FTCDNL1: variants seen among roughly 807,000 people sequenced by gnomAD.
The protein encoded by FTCDNL1 is formiminotransferase N-terminal subdomain-containing protein.
A neutral mutation model predicts 5.9 loss-of-function variants in FTCDNL1; 11 were observed. The ratio of observed to expected loss-of-function variants is 1.87; its 90% CI spans 1.18 to 3.10. FTCDNL1 has a LOEUF of 3.10. Among genes scored for constraint, FTCDNL1 ranks in the 30% most tolerant of loss-of-function variants. FTCDNL1 has a pLI of 0.00. For missense variants in FTCDNL1, 115 were observed against 65.5 expected (o/e 1.76, Z -2.61); for synonymous variants, 58 against 24.8 (o/e 2.34, Z -3.99).
At chr2:199,717,350 T>G in the FTCDNL1 span, among the ~76,000 whole-genome samples, 1 of 152,108 alleles carries the variant, frequency 6.6e-6, no homozygotes, top group Non-Finnish European at 1.5e-5. Context: ...GGTTCAGTAC[T>G]TATTTCAGTA....
At chr2:199,693,592 C>T in the FTCDNL1 span, among the ~76,000 whole-genome samples, 1 of 152,106 alleles carries the variant, frequency 6.6e-6, no homozygotes, top group Non-Finnish European at 1.5e-5. Flanking sequence ...GTAATAAAAA[C>T]ATTACAAGAT....
At chr2:199,699,457 A>G in the FTCDNL1 span, among the ~76,000 whole-genome samples, 3 of 152,280 alleles carry the variant, frequency 2.0e-5, no homozygotes, top group Non-Finnish European at 4.4e-5. Context: ...CTGTCTCAAA[A>G]AAAAAAGAAG....
chr2:199,726,655 C>T, the FTCDNL1 span, among the ~76,000 whole-genome samples: 5 of 152,076 alleles, frequency 3.3e-5, no homozygotes, highest in Admixed American at 2.0e-4. Flanking sequence ...AAGTCAGGCT[C>T]CTCTTCCATA....
At chr2:199,696,590 C>T in the FTCDNL1 span, among the ~76,000 whole-genome samples, 2 of 151,986 alleles carry the variant, frequency 1.3e-5, no homozygotes, top group South Asian at 2.1e-4. Flanking sequence ...TCAACTGAAT[C>T]CAACGTATAA....
At chr2:199,720,316 A>C in the FTCDNL1 span, among the ~76,000 whole-genome samples, 2 of 152,186 alleles carry the variant, frequency 1.3e-5, no homozygotes, top group African/African-American at 2.4e-5. Flanking sequence ...CTACAATAAA[A>C]ATTGAGCAAG....
intron 3 of FTCDNL1, among the ~76,000 whole-genome samples, chr2:199,800,333 T>C (rs1700380021): frequency 6.6e-6 from 1 of 152,154 alleles, no homozygotes; most frequent in African/African-American, 2.4e-5. Flanking sequence ...GGGAATAATA[T>C]TGCTCTCAGA....
At chr2:199,725,637 C>T in the FTCDNL1 span, among the ~76,000 whole-genome samples, 2 of 152,066 alleles carry the variant, frequency 1.3e-5, no homozygotes, top group African/African-American at 4.8e-5. Flanking sequence ...TTATCTTTTG[C>T]TTATGAAGCT....
At chr2:199,791,613 A>G (rs1325648551) in intron 3 of FTCDNL1, among the ~76,000 whole-genome samples, 1 of 152,182 alleles carries the variant, frequency 6.6e-6, no homozygotes, top group Non-Finnish European at 1.5e-5. Context: ...CTAAAATTTA[A>G]AGAGAATTGG....
chr2:199,834,807 C>G (rs1249708626), intron 3 of FTCDNL1, among the ~76,000 whole-genome samples: 1 of 152,202 alleles, frequency 6.6e-6, no homozygotes, highest in Non-Finnish European at 1.5e-5. Context: ...TCTTCTTTCT[C>G]TACTCTCTTT....
At chr2:199,849,361 G>A (rs2076816446) in intron 1 of FTCDNL1, among the ~76,000 whole-genome samples, 2 of 152,124 alleles carry the variant, frequency 1.3e-5, no homozygotes, top group African/African-American at 4.8e-5. Context: ...TAGACTTAGT[G>A]GGGAAATGCA....
At chr2:199,724,142 T>C in the FTCDNL1 span, among the ~76,000 whole-genome samples, 2 of 152,196 alleles carry the variant, frequency 1.3e-5, no homozygotes, top group Non-Finnish European at 2.9e-5. Flanking sequence ...AATATATCCA[T>C]TTCTTTTAGA....
At chr2:199,718,154 T>G in the FTCDNL1 span, among the ~76,000 whole-genome samples, 7 of 152,230 alleles carry the variant, frequency 4.6e-5, no homozygotes, top group East Asian at 1.4e-3. Flanking sequence ...GTTTCTAGTG[T>G]GCCCATTGCC....
At chr2:199,765,971 C>G (rs969280276) in intron 3 of FTCDNL1, among the ~76,000 whole-genome samples, 2 of 152,126 alleles carry the variant, frequency 1.3e-5, no homozygotes, top group African/African-American at 4.8e-5. Flanking sequence ...TACAGGTCCA[C>G]ACACATAGGC....
At chr2:199,690,960 A>G in the FTCDNL1 span, among the ~76,000 whole-genome samples, 2 of 152,168 alleles carry the variant, frequency 1.3e-5, no homozygotes, top group Non-Finnish European at 2.9e-5. Flanking sequence ...TTGAATAACT[A>G]ATTTTCATCA....
At chr2:199,737,003 T>G in the FTCDNL1 span, among the ~76,000 whole-genome samples, 1 of 152,234 alleles carries the variant, frequency 6.6e-6, no homozygotes, top group African/African-American at 2.4e-5. Flanking sequence ...CAGAAAGCCA[T>G]TGGCTGCCAG....
the FTCDNL1 span, among the ~76,000 whole-genome samples, chr2:199,701,673 G>A: frequency 6.6e-6 from 1 of 152,144 alleles, no homozygotes; most frequent in Non-Finnish European, 1.5e-5. Flanking sequence ...GGTTGCAGCT[G>A]GAAGTCATTA....
chr2:199,698,147 G>C, the FTCDNL1 span, among the ~76,000 whole-genome samples: 2 of 152,222 alleles, frequency 1.3e-5, no homozygotes, highest in South Asian at 2.1e-4. Context: ...ACTTCTTAGA[G>C]ACCTACAAAG....
chr2:199,788,762 T>C (rs1198324954), intron 3 of FTCDNL1, among the ~76,000 whole-genome samples: 1 of 151,742 alleles, frequency 6.6e-6, no homozygotes, highest in African/African-American at 2.4e-5. Flanking sequence ...TTTGAAAAGA[T>C]TATAAAATGA....
At chr2:199,849,030 C>G in intron 1 of FTCDNL1, 61 bp from the exon 2 acceptor site, 2 of 661,878 alleles carry the variant, frequency 3.0e-6, no homozygotes, top group South Asian at 3.3e-5. Context: ...CATGTTTTAA[C>G]TATAAAAAAA....
Sources: allele counts gnomAD v4.1 joint callset (sites outside exome capture counted in the v4.1 genomes callset), GRCh38; gene constraint gnomAD v4.1.1; transcripts MANE v1.5; gene names NCBI Gene and HGNC (gene_info 2026-07-23, HGNC 2026-07-21).